WWOX: variants seen among roughly 807,000 people sequenced by gnomAD.
The protein encoded by WWOX is WW domain-containing oxidoreductase.
Under a neutral mutation model 46.2 loss-of-function variants are expected in WWOX, and 69 were observed. That is an observed-to-expected ratio of 1.49 (90% CI 1.23 to 1.82). WWOX has a LOEUF of 1.82. Ranked by LOEUF, WWOX falls within the 40% of genes most tolerant of loss-of-function variation. The probability of loss-of-function intolerance (pLI) is 0.00; values close to 1 mark genes in which losing one functional copy is unlikely to be tolerated. For missense variants in WWOX, 919 were observed against 542.6 expected (o/e 1.69, Z -6.89); for synonymous variants, 359 against 202.6 (o/e 1.77, Z -6.56).
chr16:78,231,834 C>G (rs1021600316), intron 5 of WWOX, among the ~76,000 whole-genome samples: 2 of 152,134 alleles, frequency 1.3e-5, no homozygotes, highest in African/African-American at 2.4e-5. Context: ...TTGCACTTCT[C>G]TTCAAGTTTG....
intron 8 of WWOX, among the ~76,000 whole-genome samples, chr16:78,781,213 C>T (rs1000531494): frequency 6.6e-6 from 1 of 152,166 alleles, no homozygotes; most frequent in African/African-American, 2.4e-5. Flanking sequence ...GTTCCAAAGC[C>T]TATGTGGGTG....
intron 5 of WWOX, among the ~76,000 whole-genome samples, chr16:78,210,800 A>T (rs968619499): frequency 6.6e-6 from 1 of 152,168 alleles, no homozygotes. Flanking sequence ...CCCAGTTATA[A>T]TTCTCCAAAG....
chr16:78,793,752 G>C (rs2050668384), intron 8 of WWOX, among the ~76,000 whole-genome samples: 1 of 152,078 alleles, frequency 6.6e-6, no homozygotes, highest in South Asian at 2.1e-4. Context: ...TTGCCTAGAA[G>C]GGTTTGAAGA....
chr16:78,821,239 C>A (rs1371261763), intron 8 of WWOX, among the ~76,000 whole-genome samples: 1 of 152,080 alleles, frequency 6.6e-6, no homozygotes, highest in Non-Finnish European at 1.5e-5. Flanking sequence ...TCGTCTGTTA[C>A]CTGAAGAGCA....
intron 5 of WWOX, among the ~76,000 whole-genome samples, chr16:78,279,439 A>T (rs931412680): frequency 6.6e-6 from 1 of 152,242 alleles, no homozygotes; most frequent in African/African-American, 2.4e-5. Flanking sequence ...ATTATAAAAA[A>T]TAATTAATAA....
Position 78,517,887 on chromosome 16 carries a change from A to T in WWOX, c.1056+85135A>T, listed in dbSNP as rs144138837. ...TTTTTTTTTTTTTTTTTTACTCTGAATGTGTAACTTTAAATGAAGAACCAG... is the reference window on the plus strand; with the variant it reads ...TTTTTTTTTTTTTTTTTTACTCTGATTGTGTAACTTTAAATGAAGAACCAG... On this transcript the variant is annotated intron_variant, in intron 8 of 8. Coordinates refer to ENST00000566780, the MANE Select transcript of WWOX (RefSeq NM_016373.4). 2.5e-3 allele frequency among the ~76,000 whole-genome samples: 289 copies of T among 115,632 alleles called. 5 individuals carry two copies. The Admixed American group carries it at 0.026, about 10-fold the overall frequency. 75.9% of individuals were successfully genotyped at this position (115,632 alleles called of 152,430 possible). A position where few individuals can be genotyped will look rare whatever the true frequency, so the allele number is the denominator to read the frequency against.
intron 8 of WWOX, among the ~76,000 whole-genome samples, chr16:78,738,457 G>A (rs571534111): frequency 1.2e-3 from 187 of 152,238 alleles, no homozygotes; most frequent in Non-Finnish European, 1.8e-3. Context: ...GAAGTGTCAC[G>A]ATATAAAAAG....
chr16:78,390,146 C>G (rs1458973484), intron 6 of WWOX, among the ~76,000 whole-genome samples: 1 of 152,224 alleles, frequency 6.6e-6, no homozygotes, highest in Non-Finnish European at 1.5e-5. Context: ...TCACTCCAGT[C>G]TGCCTCTTGT....
At chr16:79,002,841 C>G (rs951468594) in intron 8 of WWOX, among the ~76,000 whole-genome samples, 4 of 152,208 alleles carry the variant, frequency 2.6e-5, no homozygotes, top group Non-Finnish European at 5.9e-5. Flanking sequence ...GTTATACTAC[C>G]TCTTCGAGAT....
intron 8 of WWOX, among the ~76,000 whole-genome samples, chr16:78,867,345 T>A (rs371925525): frequency 1.3e-5 from 2 of 152,288 alleles, no homozygotes; most frequent in East Asian, 3.9e-4. Context: ...TCAATATACT[T>A]TTTGTTCCAG....
chr16:78,519,097 TG>T (rs1191932522), intron 8 of WWOX, among the ~76,000 whole-genome samples: 1 of 152,238 alleles, frequency 6.6e-6, no homozygotes, highest in Non-Finnish European at 1.5e-5. Flanking sequence ...GTCTTTGAAG[TG>T]GGGCCAGTTG....
At chr16:78,680,909 G>A (rs2047714530) in intron 8 of WWOX, among the ~76,000 whole-genome samples, 1 of 152,066 alleles carries the variant, frequency 6.6e-6, no homozygotes, top group Admixed American at 6.6e-5. Context: ...CTAGGAGTTT[G>A]AGACCAGCCT....
chr16:79,179,916 A>G (rs778005611), intron 8 of WWOX, among the ~76,000 whole-genome samples: 16 of 152,236 alleles, frequency 1.1e-4, no homozygotes, highest in Non-Finnish European at 2.1e-4. Flanking sequence ...ATAGATGTGA[A>G]GTGACTTGTC....
chr16:78,321,169 T>C (rs543184672), intron 5 of WWOX, among the ~76,000 whole-genome samples: 4 of 151,864 alleles, frequency 2.6e-5, no homozygotes, highest in African/African-American at 9.7e-5. Context: ...AGGCCTTAAT[T>C]GAAAATGTAT....
intron 8 of WWOX, among the ~76,000 whole-genome samples, chr16:78,646,933 G>C (rs1019301220): frequency 4.6e-5 from 7 of 152,152 alleles, no homozygotes; most frequent in Non-Finnish European, 1.5e-5. Flanking sequence ...AGGTGGGTTG[G>C]AGGGGGGATG....
At chr16:78,686,475 T>C (rs996597072) in intron 8 of WWOX, among the ~76,000 whole-genome samples, 7 of 151,044 alleles carry the variant, frequency 4.6e-5, no homozygotes, top group African/African-American at 7.3e-5. Flanking sequence ...GGTGCCACTG[T>C]ACTCCAGCCT....
At chr16:78,682,279 C>G (rs957388881) in intron 8 of WWOX, among the ~76,000 whole-genome samples, 6 of 152,184 alleles carry the variant, frequency 3.9e-5, no homozygotes, top group African/African-American at 1.4e-4. Flanking sequence ...AACTAGTAAA[C>G]TTAATAGTTT....
chr16:79,200,969 A>G (rs532665975), intron 8 of WWOX, among the ~76,000 whole-genome samples: 1 of 152,234 alleles, frequency 6.6e-6, no homozygotes, highest in Non-Finnish European at 1.5e-5. Flanking sequence ...TGTAAAAATC[A>G]GAGTTATAGC....
chr16:78,772,869 C>CA (rs751782277), intron 8 of WWOX, among the ~76,000 whole-genome samples: 8 of 151,754 alleles, frequency 5.3e-5, no homozygotes, highest in Non-Finnish European at 1.0e-4. Context: ...AAGTAAAAAT[C>CA]AAAAAAATAA....
Sources: allele counts gnomAD v4.1 joint callset (sites outside exome capture counted in the v4.1 genomes callset), GRCh38; gene constraint gnomAD v4.1.1; transcripts MANE v1.5; gene names NCBI Gene and HGNC (gene_info 2026-07-23, HGNC 2026-07-21).